Variants in EVC2 observed in about 807,000 individuals in gnomAD.
EVC2 encodes limbin.
In EVC2, 148 loss-of-function variants were observed where a neutral mutation model predicts 149.3. That is an observed-to-expected ratio of 0.99 (90% confidence interval 0.87 to 1.14). The LOEUF (loss-of-function observed/expected upper bound fraction) is 1.14. Among genes scored for constraint, EVC2 ranks in the 50% most tolerant of loss-of-function variants. EVC2 has a pLI of 0.00. For missense variants in EVC2, 1,854 were observed against 1,627.3 expected, an observed-to-expected ratio of 1.14 and a Z score of -2.40; for synonymous variants, 776 against 649.9, an observed-to-expected ratio of 1.19 and a Z score of -2.95.
In EVC2 at chr4:5,574,756, G is replaced by C. The variant is rs150215092; in HGVS notation, c.3289C>G (p.Gln1097Glu). The C allele has an allele frequency of 3.7e-6, 6 of 1,614,188 alleles. No homozygotes were observed. Among genetic ancestry groups the C allele is most frequent in the Non-Finnish European group, 5.1e-6 (6 of 1,180,028 alleles). ...QHQQCLREEQ[Q>E]NSVVLEDLLE... ...AAGTCTTCTAGCACGACACTGTTCTGTTGTTCCTCTCTCAAACTGGAGTGA... is the reference window on the plus strand; with the variant it reads ...AAGTCTTCTAGCACGACACTGTTCTCTTGTTCCTCTCTCAAACTGGAGTGA... The change falls in exon 19 of 22, where the codon CAG becomes GAG. Residue 1097 changes from glutamine (Q) to glutamate (E), a missense_variant. Gln to Glu is a conservative substitution (Grantham distance 29). Coordinates refer to ENST00000344408, the MANE Select transcript of EVC2 (RefSeq NM_147127.5).
At chr4:5,588,448 C>T (rs1276066097) in intron 16 of EVC2, among the ~76,000 whole-genome samples, 6 of 152,138 alleles carry the variant, frequency 3.9e-5, no homozygotes, top group African/African-American at 1.2e-4. Flanking sequence ...TCAAATTAGG[C>T]AAAATTTTAG....
intron 9 of EVC2, among the ~76,000 whole-genome samples, chr4:5,652,479 G>C (rs1409367524): frequency 6.6e-6 from 1 of 152,178 alleles, no homozygotes; most frequent in Non-Finnish European, 1.5e-5. Flanking sequence ...AAAGTGGGTG[G>C]CTTCAACCAA....
intron 16 of EVC2, among the ~76,000 whole-genome samples, chr4:5,607,191 G>T (rs996859589): frequency 6.6e-6 from 1 of 152,068 alleles, no homozygotes; most frequent in African/African-American, 2.4e-5. Flanking sequence ...CATGGGAAGG[G>T]ACATGAGGAT....
chr4:5,610,029 C>T (rs994847170), intron 16 of EVC2, among the ~76,000 whole-genome samples: 2 of 152,180 alleles, frequency 1.3e-5, no homozygotes, highest in Non-Finnish European at 2.9e-5. Context: ...GAAGACCAGT[C>T]GTGACCCTGG....
At chr4:5,533,600 G>A in the EVC2 span, among the ~76,000 whole-genome samples, 21 of 152,218 alleles carry the variant, frequency 1.4e-4, no homozygotes, top group African/African-American at 5.1e-4. Flanking sequence ...CTCACGCCCT[G>A]CAGCCAGTAA....
At chr4:5,627,170 C>G (rs766485206) in intron 12 of EVC2, among the ~76,000 whole-genome samples, 1 of 152,142 alleles carries the variant, frequency 6.6e-6, no homozygotes, top group Non-Finnish European at 1.5e-5. Context: ...TGGGCTGAGT[C>G]CCCAGCTTGG....
At position 5,614,167 on chromosome 4, in the gene EVC2, G is replaced by A. The variant is rs1174444342; in HGVS notation, c.2829+1255C>T. Reference sequence around the variant, plus strand: ...TACTCTTAAGCAGCACCTTTGCAGAGGAGACCCTGCCTCCTCTCCTACCTA... The same window carrying A: ...TACTCTTAAGCAGCACCTTTGCAGAAGAGACCCTGCCTCCTCTCCTACCTA... On this transcript the variant is annotated intron_variant, in intron 16 of 21. Transcript: ENST00000344408. The surrounding 1 kb of genome is among the most constrained non-coding windows in gnomAD (Gnocchi z 4.7). Among the ~76,000 whole-genome samples the A allele has an allele frequency of 6.6e-6, 1 of 152,120 alleles. No homozygotes were observed. Among genetic ancestry groups the A allele is most frequent in the Non-Finnish European group, 1.5e-5 (1 of 68,032 alleles).
chr4:5,545,382 G>A (rs1275808101), intron 21 of EVC2, among the ~76,000 whole-genome samples: 1 of 152,184 alleles, frequency 6.6e-6, no homozygotes, highest in Non-Finnish European at 1.5e-5. Context: ...GCCTGACTCT[G>A]GAATTTGCTA....
At chr4:5,697,175 GCAGA>G (rs1199208785) in intron 2 of EVC2, among the ~76,000 whole-genome samples, 1 of 152,218 alleles carries the variant, frequency 6.6e-6, no homozygotes, top group Non-Finnish European at 1.5e-5. Context: ...TCCAGAGGGA[GCAGA>G]CAGACACCTT....
At chr4:5,552,530 T>C (rs898063140) in intron 21 of EVC2, among the ~76,000 whole-genome samples, 2 of 151,968 alleles carry the variant, frequency 1.3e-5, no homozygotes, top group African/African-American at 2.4e-5. Flanking sequence ...CTGGCTATGA[T>C]AGAGTCGCAG....
chr4:5,644,197 C>T (rs192021106), intron 9 of EVC2, among the ~76,000 whole-genome samples: 2 of 152,294 alleles, frequency 1.3e-5, no homozygotes, highest in Non-Finnish European at 2.9e-5. Flanking sequence ...CTCTGTATTT[C>T]CTGTAAACTA....
chr4:5,579,706 T>C (rs980596524), intron 17 of EVC2, among the ~76,000 whole-genome samples: 3 of 152,112 alleles, frequency 2.0e-5, no homozygotes, highest in African/African-American at 4.8e-5. Context: ...CTGGGCATGA[T>C]AGTGCATGCC....
intron 16 of EVC2, among the ~76,000 whole-genome samples, chr4:5,607,219 C>T (rs1714462414): frequency 6.6e-6 from 1 of 151,934 alleles, no homozygotes; most frequent in Non-Finnish European, 1.5e-5. Flanking sequence ...AAACTGGGAC[C>T]GTCTCAAGCA....
chr4:5,549,911 T>C (rs1721704859), intron 21 of EVC2, among the ~76,000 whole-genome samples: 1 of 152,180 alleles, frequency 6.6e-6, no homozygotes, highest in South Asian at 2.1e-4. Flanking sequence ...GAATAAGTCT[T>C]ATGAAATCTG....
In EVC2 at chr4:5,584,772, G is replaced by C; in HGVS notation, c.2908C>G (p.Leu970Val). 6.2e-7 allele frequency: 1 copy of C among 1,614,204 alleles called. No homozygotes were observed. The highest frequency in any genetic ancestry group is 8.5e-7 in the Non-Finnish European group (1 of 1,180,038). The change falls in exon 17 of 22, where the codon CTG (leucine) becomes GTG (valine). Residue 970 changes from leucine (L) to valine (V), a missense_variant. By Grantham distance (32) the Leu-to-Val change is conservative. Coordinates refer to ENST00000344408, the MANE Select transcript of EVC2 (RefSeq NM_147127.5). ...ACCCGGGACGCCTTCTGGAACTGCAGAGCAACAAGCGACTGTGCAAAGCCT... is the reference window on the plus strand; with the variant it reads ...ACCCGGGACGCCTTCTGGAACTGCACAGCAACAAGCGACTGTGCAAAGCCT... Reference protein sequence around the residue: ...EGGFAQSLVALQFQKASRVTE... With the variant: ...EGGFAQSLVAVQFQKASRVTE...
In EVC2 at chr4:5,636,682, A is replaced by T. The variant is rs1577189509; in HGVS notation, c.1470+3832T>A. On this transcript the variant is annotated intron_variant, in intron 10 of 21. Coordinates refer to ENST00000344408, the MANE Select transcript of EVC2 (RefSeq NM_147127.5). This position sits in a 1 kb window ranked among gnomAD's most constrained non-coding sequence, Gnocchi z 4.6. ...GATGGTGGGGAGGGTCCTGGAACCA[A>T]TGCTTCCTGGGTATCAAGGGAGGGA... Among the ~76,000 whole-genome samples, 1 of 152,150 alleles carries T rather than the reference A, an allele frequency of 6.6e-6. No homozygotes were observed. The highest frequency in any genetic ancestry group is 1.5e-5 in the Non-Finnish European group (1 of 68,028).
At chr4:5,683,758 C>T (rs767700182) in intron 6 of EVC2, among the ~76,000 whole-genome samples, 1 of 139,868 alleles carries the variant, frequency 7.1e-6, no homozygotes, top group Non-Finnish European at 1.6e-5. Flanking sequence ...TCCCCCTGCT[C>T]AAGCCAGCCC....
In EVC2 at chr4:5,603,463, G is replaced by A. The variant is rs577429892; in HGVS notation, c.2829+11959C>T. Among the ~76,000 whole-genome samples, 267 of 152,154 alleles carry A rather than the reference G, an allele frequency of 1.8e-3. 2 individuals are homozygous for A. The highest frequency in any genetic ancestry group is 5.6e-3 in the Admixed American group (85 of 15,272). On this transcript the variant is annotated intron_variant, in intron 16 of 21. Coordinates refer to ENST00000344408, the MANE Select transcript of EVC2 (RefSeq NM_147127.5). ...TTCTGAGCTCTTTAAGGACTATCAG[G>A]GTTCTCTCTTGTCAGGTCACTGAAA...
At chr4:5,632,435 T>A (rs935591870) in intron 10 of EVC2, among the ~76,000 whole-genome samples, 1 of 152,138 alleles carries the variant, frequency 6.6e-6, no homozygotes, top group Admixed American at 6.5e-5. Context: ...TTCCAACCTG[T>A]CCTCCCCTGT....
Sources: allele counts gnomAD v4.1 joint callset (sites outside exome capture counted in the v4.1 genomes callset), GRCh38; gene constraint gnomAD v4.1.1; non-coding constraint Gnocchi (gnomAD v3.1); transcripts MANE v1.5; gene names NCBI Gene and HGNC (gene_info 2026-07-23, HGNC 2026-07-21).